ZNRF1: variants seen among roughly 807,000 people sequenced by gnomAD.
ZNRF1 encodes zinc and ring finger 1.
ZNRF1 carries 3 observed loss-of-function variants against 18.4 expected under a neutral mutation model. The ratio of observed to expected loss-of-function variants is 0.16; its 90% CI spans 0.07 to 0.42. ZNRF1 has a LOEUF of 0.42. ZNRF1 is among the 10% of genes least tolerant of loss of function. ZNRF1 has a pLI of 0.99. For missense variants in ZNRF1, 310 were observed against 329.8 expected (o/e 0.94, Z 0.47); for synonymous variants, 157 against 144.2 (o/e 1.09, Z -0.64).
chr16:75,063,534 T>G (rs2035767136), intron 1 of ZNRF1, among the ~76,000 whole-genome samples: 1 of 152,186 alleles, frequency 6.6e-6, no homozygotes, highest in Admixed American at 6.5e-5. Context: ...GAAAAATATA[T>G]GGTGGTATTT....
intron 1 of ZNRF1, among the ~76,000 whole-genome samples, chr16:75,068,519 G>A (rs572219341): frequency 6.6e-6 from 1 of 152,042 alleles, no homozygotes; most frequent in East Asian, 1.9e-4. Context: ...CCTTTTTCAC[G>A]GATTGTCTAC....
chr16:75,054,549 G>A (rs908325568), intron 1 of ZNRF1, among the ~76,000 whole-genome samples: 2 of 152,234 alleles, frequency 1.3e-5, no homozygotes, highest in African/African-American at 2.4e-5. Context: ...AGGTCACTAT[G>A]TGGGCTTCTC....
chr16:75,010,445 T>G (rs1487173076), intron 1 of ZNRF1, among the ~76,000 whole-genome samples: 1 of 152,226 alleles, frequency 6.6e-6, no homozygotes, highest in Non-Finnish European at 1.5e-5. Context: ...ATAAAGAATT[T>G]AACGAATTGT....
At chr16:75,008,494 A>G (rs549922846) in intron 1 of ZNRF1, among the ~76,000 whole-genome samples, 2 of 152,324 alleles carry the variant, frequency 1.3e-5, no homozygotes, top group East Asian at 3.9e-4. Flanking sequence ...CCAGGCAGCT[A>G]GACAAGTCAA....
rs562453322 is a variant in ZNRF1 at position 75,030,641 on chromosome 16, A to C, written c.424+30546A>C. On this transcript the variant is annotated intron_variant, in intron 1 of 4. Coordinates refer to ENST00000335325, the MANE Select transcript of ZNRF1 (RefSeq NM_032268.5). ...AAGAAACCCCATAACCATTAGCAGT[A>C]GCTCTGTTTTCCTCCATTTTCCCCT... 2.0e-5 allele frequency among the ~76,000 whole-genome samples: 3 copies of C among 152,192 alleles called. No individual in the cohort carries two copies. In the South Asian group the frequency reaches 6.2e-4, roughly 32 times the overall value.
In ZNRF1 at chr16:75,081,524, G is replaced by T. The variant is rs576412306; in HGVS notation, c.425-12048G>T. ...TTGCTGATTTTATGAGGAACAGGCA[G>T]GGGAATTCAAGCCACTCTAAGGAGT... On this transcript the variant is annotated intron_variant, in intron 1 of 4. Coordinates refer to ENST00000335325, the MANE Select transcript of ZNRF1 (RefSeq NM_032268.5). Among the ~76,000 whole-genome samples, 25 of 152,328 alleles carry T rather than the reference G, an allele frequency of 1.6e-4. No homozygotes were observed. In the South Asian group the frequency reaches 5.2e-3, roughly 32 times the overall value.
chr16:75,075,201 A>G (rs568428694), intron 1 of ZNRF1, among the ~76,000 whole-genome samples: 1 of 152,156 alleles, frequency 6.6e-6, no homozygotes, highest in Non-Finnish European at 1.5e-5. Flanking sequence ...TTGATTTAGC[A>G]TAGGGGGAAA....
intron 1 of ZNRF1, among the ~76,000 whole-genome samples, chr16:75,042,284 T>A (rs1382278191): frequency 1.3e-5 from 2 of 152,156 alleles, no homozygotes; most frequent in Non-Finnish European, 2.9e-5. Context: ...TTATGAATGA[T>A]GCTTTTGGTA....
intron 1 of ZNRF1, among the ~76,000 whole-genome samples, chr16:75,061,342 C>T (rs1281363407): frequency 3.3e-5 from 5 of 152,130 alleles, no homozygotes; most frequent in Admixed American, 3.3e-4. Flanking sequence ...TCCTTCTACC[C>T]TCTGTGTCCA....
chr16:75,022,322 G>C (rs1231431846), intron 1 of ZNRF1, among the ~76,000 whole-genome samples: 1 of 151,908 alleles, frequency 6.6e-6, no homozygotes, highest in Non-Finnish European at 1.5e-5. Flanking sequence ...CCAGCACTTT[G>C]GGAGGCTGTG....
At position 75,108,128 on chromosome 16, in the gene ZNRF1, C is replaced by T. The variant is rs2036339262; in HGVS notation, c.*428C>T. On this transcript the variant is annotated 3_prime_UTR_variant, in exon 5 of 5. Coordinates refer to ENST00000335325, the MANE Select transcript of ZNRF1 (RefSeq NM_032268.5). ...TGACAGACGAACACAGCTAAGGCCT[C>T]GCTGCCAGCCTTCTGACGGCGGGCG... The T allele has an allele frequency of 3.2e-5, 6 of 189,118 alleles. No homozygotes were observed. In the South Asian group the frequency reaches 4.9e-4, roughly 15 times the overall value. The allele number at this position is 189,118 out of a possible 1,614,324, so 11.7% of individuals were successfully genotyped here.
At chr16:75,092,854 C>T (rs2036155925) in intron 1 of ZNRF1, among the ~76,000 whole-genome samples, 1 of 152,172 alleles carries the variant, frequency 6.6e-6, no homozygotes, top group South Asian at 2.1e-4. Flanking sequence ...CAGGGTGATC[C>T]AACCAAGTGG....
chr16:74,999,870 G>A lies in ZNRF1; in HGVS notation c.199G>A (p.Val67Met), dbSNP rs896991369. 19 of 1,525,006 alleles carry A rather than the reference G, an allele frequency of 1.2e-5. No homozygotes were observed. Among genetic ancestry groups the A allele is most frequent in the Non-Finnish European group, 1.5e-5 (17 of 1,140,120 alleles). 94.5% of individuals were successfully genotyped at this position (1,525,006 alleles called of 1,614,324 possible). The change falls in exon 1 of 5, where the codon GTG becomes ATG. Residue 67 changes from valine to methionine, a missense_variant. Physicochemically the swap from Val to Met is conservative, Grantham distance 21. This residue lies in a region of ZNRF1 where 293 missense variants were observed against 291.2 expected (regional missense o/e 1.01). Coordinates refer to ENST00000335325, the MANE Select transcript of ZNRF1 (RefSeq NM_032268.5). ...CATGGACCCCAGCACGGCCGGGGGGGTGCCCTTTGGCCTCTACACCCCCGC... is the reference window on the plus strand; with the variant it reads ...CATGGACCCCAGCACGGCCGGGGGGATGCCCTTTGGCCTCTACACCCCCGC... ...MGMDPSTAGGVPFGLYTPASR... is the reference protein window; with the variant it reads ...MGMDPSTAGGMPFGLYTPASR...
At chr16:75,019,556 C>T (rs1048690167) in intron 1 of ZNRF1, among the ~76,000 whole-genome samples, 2 of 151,882 alleles carry the variant, frequency 1.3e-5, no homozygotes, top group Admixed American at 1.3e-4. Context: ...TTCATTTGTA[C>T]TTTAGAAGTT....
chr16:75,086,593 T>C (rs1288031057), intron 1 of ZNRF1, among the ~76,000 whole-genome samples: 1 of 152,190 alleles, frequency 6.6e-6, no homozygotes, highest in East Asian at 1.9e-4. Flanking sequence ...AGCTTAGAAA[T>C]GTGAAAGAAA....
chr16:75,051,873 CTTTA>C (rs547088817), intron 1 of ZNRF1, among the ~76,000 whole-genome samples: 17 of 152,180 alleles, frequency 1.1e-4, no homozygotes, highest in Non-Finnish European at 1.5e-4. Context: ...CTATCCACTC[CTTTA>C]TTTATCTATC....
At chr16:75,088,952 C>T (rs917032267) in intron 1 of ZNRF1, among the ~76,000 whole-genome samples, 1 of 152,134 alleles carries the variant, frequency 6.6e-6, no homozygotes. Flanking sequence ...TCAAAGGAAA[C>T]GGTGATGGCA....
chr16:75,106,436 CTGGGCAGCAGGTAACG>C, intron 3 of ZNRF1, 30 bp from the exon 4 acceptor site: 3 of 1,611,206 alleles, frequency 1.9e-6, no homozygotes, highest in Non-Finnish European at 2.5e-6. Flanking sequence ...TCAAAGCAGC[CTGGGCAGCAGGTAACG>C]TGGTTTCCCT....
At chr16:75,005,132 A>G in intron 1 of ZNRF1, among the ~76,000 whole-genome samples, 1 of 152,180 alleles carries the variant, frequency 6.6e-6, no homozygotes. Flanking sequence ...GAGAAGGAAA[A>G]GCATTCTGTG....
Sources: allele counts gnomAD v4.1 joint callset (sites outside exome capture counted in the v4.1 genomes callset), GRCh38; gene constraint gnomAD v4.1.1; regional missense constraint gnomAD v4.1.1; transcripts MANE v1.5; gene names NCBI Gene and HGNC (gene_info 2026-07-23, HGNC 2026-07-21).